The following PATJ variants were observed in gnomAD, a reference collection of about 807,000 sequenced individuals.
The protein encoded by PATJ is PATJ crumbs cell polarity complex component.
In PATJ, 190 loss-of-function variants were observed where a neutral mutation model predicts 224.9. The ratio of observed to expected loss-of-function variants is 0.84; its 90% CI spans 0.75 to 0.95. PATJ has a LOEUF of 0.95. PATJ is among the 40% of genes least tolerant of loss of function. The pLI is 0.00. For missense variants in PATJ, 2,121 were observed against 2,270.3 expected, an observed-to-expected ratio of 0.93 and a Z score of 1.34; for synonymous variants, 769 against 820.3, an observed-to-expected ratio of 0.94 and a Z score of 1.07.
At chr1:61,778,389 A>G (rs1647055729) in intron 7 of PATJ, among the ~76,000 whole-genome samples, 1 of 152,316 alleles carries the variant, frequency 6.6e-6, no homozygotes, top group East Asian at 1.9e-4. Flanking sequence ...AAAAATCAAG[A>G]TAGATCAGTG....
chr1:62,087,521 C>T (rs539487100), intron 33 of PATJ, among the ~76,000 whole-genome samples: 7 of 152,080 alleles, frequency 4.6e-5, no homozygotes, highest in South Asian at 4.2e-4. Flanking sequence ...TCAGGCTTCT[C>T]GGCTCAAAGG....
chr1:61,908,300 A>G lies in PATJ; in HGVS notation c.3382-72A>G, dbSNP rs545424986. The G allele has an allele frequency of 4.8e-5, 47 of 988,942 alleles. No individual in the cohort carries two copies. The South Asian group carries it at 5.8e-4, about 12-fold the overall frequency. The allele number at this position is 988,942 out of a possible 1,614,324, so 61.3% of individuals were successfully genotyped here. ...TTGTTCTTATAACTAGATAATGCAC[A>G]TGAACTTTGAATTAACCTGTCCACA... On this transcript the variant is annotated intron_variant, in intron 24 of 43. Coordinates refer to ENST00000642238, the MANE Select transcript of PATJ (RefSeq NM_001350145.3).
chr1:61,814,316 G>A (rs905702314), intron 14 of PATJ, among the ~76,000 whole-genome samples: 4 of 151,624 alleles, frequency 2.6e-5, no homozygotes, highest in Admixed American at 6.6e-5. Context: ...GCTAATTTTT[G>A]TATTTTTGTA....
chr1:61,990,100 G>A, intron 27 of PATJ, 68 bp from the exon 28 acceptor site: 1 of 1,142,580 alleles, frequency 8.8e-7, no homozygotes, highest in Non-Finnish European at 1.2e-6. Context: ...TAAGGATGGG[G>A]AAATGCTGAC....
At position 62,088,943 on chromosome 1, in the gene PATJ, T is replaced by C. The variant is rs200501514; in HGVS notation, c.4377+4295T>C. 2.1e-3 allele frequency among the ~76,000 whole-genome samples: 311 copies of C among 151,310 alleles called. 8 individuals carry two copies. The East Asian group carries it at 0.049, about 24-fold the overall frequency. On this transcript the variant is annotated intron_variant, in intron 33 of 43. Coordinates refer to ENST00000642238, the MANE Select transcript of PATJ (RefSeq NM_001350145.3). ...GGTGATGGCTGCTTCCAAGGCGTGT[T>C]TCCACACTTTCCCGAGGAGGTGTTC...
Position 61,894,026 on chromosome 1 carries a change from G to A in PATJ, c.3132-5557G>A, listed in dbSNP as rs376661024. 1.1e-3 allele frequency among the ~76,000 whole-genome samples: 161 copies of A among 151,746 alleles called. 1 individual carries two copies. The highest frequency in any genetic ancestry group is 3.7e-3 in the African/African-American group (154 of 41,386). ...TCCTAGCACTTCGGGAGGCTGAGGC[G>A]GGCAGATCACCTGAGGTCAAGAGTT... is the stretch of plus-strand genomic sequence containing the variant. On this transcript the variant is annotated intron_variant, in intron 22 of 43. Transcript: ENST00000642238.
intron 21 of PATJ, among the ~76,000 whole-genome samples, chr1:61,880,891 C>T (rs1398587908): frequency 2.0e-5 from 3 of 152,164 alleles, no homozygotes; most frequent in African/African-American, 4.8e-5. Context: ...GTCAGGAGTT[C>T]AAGACCAGCC....
chr1:61,965,611 A>C (rs1254858971), intron 27 of PATJ, among the ~76,000 whole-genome samples: 1 of 152,224 alleles, frequency 6.6e-6, no homozygotes, highest in Non-Finnish European at 1.5e-5. Flanking sequence ...TAAGTAGTTC[A>C]GTTGACAAGG....
chr1:61,934,196 G>C (rs1265847722), intron 27 of PATJ, among the ~76,000 whole-genome samples: 1 of 152,194 alleles, frequency 6.6e-6, no homozygotes, highest in South Asian at 2.1e-4. Flanking sequence ...TCGGCTCACC[G>C]CAACCTCTGC....
At chr1:61,999,746 G>C (rs1184588591) in intron 28 of PATJ, among the ~76,000 whole-genome samples, 1 of 151,982 alleles carries the variant, frequency 6.6e-6, no homozygotes, top group African/African-American at 2.4e-5. Context: ...GCAAATACTG[G>C]GTATTATAAG....
intron 15 of PATJ, among the ~76,000 whole-genome samples, chr1:61,823,738 A>AT (rs1425428070): frequency 5.3e-4 from 80 of 150,922 alleles, no homozygotes; most frequent in Non-Finnish European, 1.0e-3. Context: ...GATTTTAGAG[A>AT]TTTTTTTTTT....
At chr1:62,126,563 G>GA (rs1665740401) in intron 39 of PATJ, among the ~76,000 whole-genome samples, 1 of 152,112 alleles carries the variant, frequency 6.6e-6, no homozygotes, top group Non-Finnish European at 1.5e-5. Context: ...ACTAATGTGG[G>GA]GAAAAAACTG....
At chr1:62,150,277 C>A (rs1006004376) in intron 42 of PATJ, among the ~76,000 whole-genome samples, 6 of 152,100 alleles carry the variant, frequency 3.9e-5, no homozygotes, top group African/African-American at 1.2e-4. Context: ...CACTTAGATA[C>A]AAGTGCTAGG....
intron 37 of PATJ, among the ~76,000 whole-genome samples, chr1:62,118,623 C>CTTATTTATTTAT (rs59262237): frequency 6.6e-6 from 1 of 151,476 alleles, no homozygotes; most frequent in South Asian, 2.1e-4. Flanking sequence ...TGAGCATCTT[C>CTTATTTATTTAT]TTATTTATTT....
rs530739423 is a variant in PATJ at position 61,867,438 on chromosome 1, AC to A, written c.2835+2807del. On this transcript the variant is annotated intron_variant, in intron 20 of 43. Coordinates refer to ENST00000642238, the MANE Select transcript of PATJ (RefSeq NM_001350145.3). Reference sequence around the variant, plus strand: ...TCCATAAAAAGAAAATTTTCTGTTTACCGAAACAAAAGGCAACCTGAAATAT... The same window carrying A: ...TCCATAAAAAGAAAATTTTCTGTTTACGAAACAAAAGGCAACCTGAAATAT... Among the ~76,000 whole-genome samples, 221 of 152,308 alleles carry A rather than the reference AC, an allele frequency of 1.5e-3. 1 individual carries two copies. The highest frequency in any genetic ancestry group is 4.7e-3 in the African/African-American group (196 of 41,556).
intron 39 of PATJ, among the ~76,000 whole-genome samples, chr1:62,125,258 A>AC (rs1665585788): frequency 1.7e-5 from 2 of 116,514 alleles, no homozygotes; most frequent in Non-Finnish European, 3.4e-5. Flanking sequence ...AAAAAACAAA[A>AC]AAAAACAAAA....
intron 33 of PATJ, among the ~76,000 whole-genome samples, chr1:62,087,455 C>A (rs991111679): frequency 6.6e-6 from 1 of 151,808 alleles, no homozygotes; most frequent in Non-Finnish European, 1.5e-5. Context: ...CAGAAAGAAC[C>A]AATCAGGAGA....
intron 31 of PATJ, chr1:62,073,291 T>C: frequency 2.0e-6 from 2 of 985,314 alleles, no homozygotes; most frequent in Non-Finnish European, 2.4e-6. Context: ...ATATCTTGTG[T>C]TCACCTCTCT....
rs1439255158 is a variant in PATJ at position 62,144,771 on chromosome 1, A to ATATATATATAT, written c.5272-3513_5272-3512insTATATATATAT. ...ATGCTCTAGAATGTTATTTGCAAAA[A>ATATATATATAT]AAAAAAATATATATATATATATATA... On this transcript the variant is annotated intron_variant, in intron 41 of 43. Transcript: ENST00000642238. Among the ~76,000 whole-genome samples the ATATATATATAT allele has an allele frequency of 3.4e-3, 247 of 73,296 alleles. 14 individuals carry two copies. Among genetic ancestry groups the ATATATATATAT allele is most frequent in the Middle Eastern group, 0.021 (3 of 144 alleles). The allele number at this position is 73,296 out of a possible 152,430, so 48.1% of individuals were successfully genotyped here. A position where few individuals can be genotyped will look rare whatever the true frequency, so the allele number is the denominator to read the frequency against.
Sources: gnomAD v4.1 joint callset for allele counts (sites outside exome capture counted in the v4.1 genomes callset) on GRCh38, gnomAD v4.1.1 for gene constraint, MANE v1.5 for transcripts, NCBI Gene and HGNC (gene_info 2026-07-23, HGNC 2026-07-21) for gene names.